TRIM54: variants seen among roughly 807,000 people sequenced by gnomAD.
The protein encoded by TRIM54 is tripartite motif-containing protein 54.
Under a neutral mutation model 42.0 loss-of-function variants are expected in TRIM54, and 40 were observed. The observed-to-expected ratio is 0.95, with a 90% CI of 0.74 to 1.24. The LOEUF (loss-of-function observed/expected upper bound fraction) is 1.24, where lower values mean the gene tolerates loss of function less well. Among genes scored for constraint, TRIM54 ranks in the 50% most tolerant of loss-of-function variants. The pLI, the probability that TRIM54 is intolerant of heterozygous loss-of-function variation, is 0.00. For missense variants in TRIM54, 485 were observed against 480.3 expected, an observed-to-expected ratio of 1.01 and a Z score of -0.09; for synonymous variants, 199 against 194.9, an observed-to-expected ratio of 1.02 and a Z score of -0.17.
chr2:27,283,763 GGCACACACACACACACGCGC>G (rs1238236621), intron 1 of TRIM54, among the ~76,000 whole-genome samples: 3 of 103,782 alleles, frequency 2.9e-5, no homozygotes, highest in African/African-American at 1.1e-4. Flanking sequence ...GAGGGGCAAA[GGCACACACACACACACGCGC>G]GCACACACAC....
chr2:27,305,530 C>T, intron 4 of TRIM54, 54 bp from the exon 5 acceptor site: 1 of 1,481,232 alleles, frequency 6.8e-7, no homozygotes, highest in South Asian at 1.2e-5. Flanking sequence ...CTGTGCTTTC[C>T]CAGCCACCGG....
chr2:27,294,787 G>A (rs571466452), intron 1 of TRIM54, among the ~76,000 whole-genome samples: 2 of 150,436 alleles, frequency 1.3e-5, no homozygotes, highest in East Asian at 4.1e-4. Flanking sequence ...CTGCTTGGGA[G>A]GCTGAGGCAG....
At chr2:27,304,892 G>A in intron 3 of TRIM54, 67 bp from the exon 4 acceptor site, 3 of 1,462,020 alleles carry the variant, frequency 2.1e-6, no homozygotes. Context: ...AGGCAACCCT[G>A]GCTGGGGTGA....
chr2:27,293,379 T>C (rs540284244), intron 1 of TRIM54, among the ~76,000 whole-genome samples: 1 of 152,320 alleles, frequency 6.6e-6, no homozygotes, highest in South Asian at 2.1e-4. Context: ...TAATAGGTAG[T>C]TGAGTGTCTC....
At chr2:27,291,127 G>T (rs1297094363) in intron 1 of TRIM54, among the ~76,000 whole-genome samples, 1 of 152,210 alleles carries the variant, frequency 6.6e-6, no homozygotes, top group Non-Finnish European at 1.5e-5. Context: ...GCCAAGGTAG[G>T]CAGATCACTT....
In TRIM54 at chr2:27,283,764, GCACACACACACACACGCGCGCACA is replaced by G. The variant is rs1360283749; in HGVS notation, c.168+881_168+904del. Reference sequence around the variant, plus strand: ...AGATCAGGGAGAGTGAGGGGCAAAGGCACACACACACACACGCGCGCACACACACACACACACACACACACACAC... The same window carrying G: ...AGATCAGGGAGAGTGAGGGGCAAAGGCACACACACACACACACACACACAC... On this transcript the variant is annotated intron_variant, in intron 1 of 8. Coordinates refer to ENST00000380075, the MANE Select transcript of TRIM54 (RefSeq NM_187841.3). Among the ~76,000 whole-genome samples, 70 of 117,928 alleles carry G rather than the reference GCACACACACACACACGCGCGCACA, an allele frequency of 5.9e-4. 1 individual carries two copies. Among genetic ancestry groups the G allele is most frequent in the African/African-American group, 2.2e-3 (67 of 29,834 alleles). The allele number at this position is 117,928 out of a possible 152,430, so 77.4% of individuals were successfully genotyped here.
Position 27,306,601 on chromosome 2 carries a change from C to A in TRIM54, c.*1+59C>A. ...CGGCCTGAGGGGCTTGGGGTGGGGCCTGGCTGGTGTGCTCGCGTCCCCTCC... is the reference window on the plus strand; with the variant it reads ...CGGCCTGAGGGGCTTGGGGTGGGGCATGGCTGGTGTGCTCGCGTCCCCTCC... On this transcript the variant is annotated intron_variant, in intron 8 of 8. Transcript: ENST00000380075. The surrounding 1 kb of genome is among the most constrained non-coding windows in gnomAD (Gnocchi z 6.1). 1 of 1,441,284 alleles carries A rather than the reference C, an allele frequency of 6.9e-7. No homozygotes were observed. The highest frequency in any genetic ancestry group is 2.6e-5 in the Admixed American group (1 of 37,998). The allele number at this position is 1,441,284 out of a possible 1,614,324, so 89.3% of individuals were successfully genotyped here.
Position 27,306,686 on chromosome 2 carries a change from C to T in TRIM54, c.*1+144C>T, listed in dbSNP as rs1261062310. ...CCCCCACTCCTCGGTGCAACCCAAC[C>T]CCGGAGCCACAAAGGCGCGCCCCCT... On this transcript the variant is annotated intron_variant, in intron 8 of 8. Coordinates refer to ENST00000380075, the MANE Select transcript of TRIM54 (RefSeq NM_187841.3). The surrounding 1 kb of genome is among the most constrained non-coding windows in gnomAD (Gnocchi z 6.1). The T allele has an allele frequency of 1.1e-6, 1 of 900,164 alleles. No homozygotes were observed. Among genetic ancestry groups the T allele is most frequent in the East Asian group, 2.7e-5 (1 of 37,454 alleles). The allele number at this position is 900,164 out of a possible 1,614,324, so 55.8% of individuals were successfully genotyped here. A position where few individuals can be genotyped will look rare whatever the true frequency, so the allele number is the denominator to read the frequency against.
intron 4 of TRIM54, 38 bp downstream of exon 4, chr2:27,305,092 G>C (rs776120039): frequency 1.3e-6 from 2 of 1,572,012 alleles, no homozygotes; most frequent in East Asian, 2.3e-5. Context: ...ACAGCAACTG[G>C]CTAGCCTGCG....
In TRIM54 at chr2:27,307,412, C is replaced by T; in HGVS notation, c.*527C>T. On this transcript the variant is annotated 3_prime_UTR_variant, in exon 9 of 9. Coordinates refer to ENST00000380075, the MANE Select transcript of TRIM54 (RefSeq NM_187841.3). This position sits in a 1 kb window ranked among gnomAD's most constrained non-coding sequence, Gnocchi z 6.9. Reference sequence around the variant, plus strand: ...GACAAAAGCCAACGGGTCTTCAGTACTTTTATTAAAAAATAGTCACGCAGA... The same window carrying T: ...GACAAAAGCCAACGGGTCTTCAGTATTTTTATTAAAAAATAGTCACGCAGA... 3 of 1,509,652 alleles carry T rather than the reference C, an allele frequency of 2.0e-6. No homozygotes were observed. The highest frequency in any genetic ancestry group is 2.7e-6 in the Non-Finnish European group (3 of 1,130,194). The allele number at this position is 1,509,652 out of a possible 1,614,324, so 93.5% of individuals were successfully genotyped here. A position where few individuals can be genotyped will look rare whatever the true frequency, so the allele number is the denominator to read the frequency against.
At chr2:27,287,660 A>G (rs1678613430) in intron 1 of TRIM54, among the ~76,000 whole-genome samples, 1 of 152,018 alleles carries the variant, frequency 6.6e-6, no homozygotes, top group Non-Finnish European at 1.5e-5. Flanking sequence ...TGTAGCTAGG[A>G]TTACAGGCAT....
At position 27,282,517 on chromosome 2, in the gene TRIM54, C is replaced by T. The variant is rs576677834; in HGVS notation, c.-215C>T. 7 of 412,952 alleles carry T rather than the reference C, an allele frequency of 1.7e-5. No homozygotes were observed. In the South Asian group the frequency reaches 2.4e-4, roughly 14 times the overall value. 25.6% of individuals were successfully genotyped at this position (412,952 alleles called of 1,614,324 possible). On this transcript the variant is annotated 5_prime_UTR_variant, in exon 1 of 9. The change creates a new upstream start codon in the 5' untranslated region. Coordinates refer to ENST00000380075, the MANE Select transcript of TRIM54 (RefSeq NM_187841.3). ...AGAGAGAGAGGGATAGCTAAAACTA[C>T]GTGAGCCTGGCGAGGGTGCAGAGCA...
intron 3 of TRIM54, among the ~76,000 whole-genome samples, chr2:27,302,767 G>A (rs947018727): frequency 6.6e-5 from 10 of 152,248 alleles, no homozygotes; most frequent in Admixed American, 5.9e-4. Context: ...CTCCAGCCTG[G>A]GCAAAAAGAG....
At chr2:27,298,371 G>T (rs755050621) in intron 1 of TRIM54, among the ~76,000 whole-genome samples, 196 bp from the exon 2 acceptor site, 1 of 152,120 alleles carries the variant, frequency 6.6e-6, no homozygotes, top group Non-Finnish European at 1.5e-5. Context: ...GAATAATGAG[G>T]CAAAGGTGGG....
chr2:27,291,280 G>A (rs548741335), intron 1 of TRIM54, among the ~76,000 whole-genome samples: 5 of 152,136 alleles, frequency 3.3e-5, no homozygotes, highest in South Asian at 4.2e-4. Context: ...ACTTGAGCCC[G>A]GGAAGCAGAG....
intron 1 of TRIM54, among the ~76,000 whole-genome samples, chr2:27,294,666 C>T (rs924157349): frequency 5.9e-5 from 9 of 151,606 alleles, no homozygotes; most frequent in African/African-American, 1.9e-4. Flanking sequence ...CTGAGGTGGG[C>T]GGATCATGAG....
At chr2:27,296,331 A>G (rs889513602) in intron 1 of TRIM54, among the ~76,000 whole-genome samples, 1 of 152,210 alleles carries the variant, frequency 6.6e-6, no homozygotes, top group Non-Finnish European at 1.5e-5. Context: ...ATGCTAGCTC[A>G]TAGGTGACCA....
rs116145000 is a variant in TRIM54, at chr2:27,287,659, G to A, written c.168+4760G>A. On this transcript the variant is annotated intron_variant, in intron 1 of 8. Transcript: ENST00000380075. ...CTGCCTCAGCCTTTCGTGTAGCTAGGATTACAGGCATGTACCACCACACTC... is the reference window on the plus strand; with the variant it reads ...CTGCCTCAGCCTTTCGTGTAGCTAGAATTACAGGCATGTACCACCACACTC... Among the ~76,000 whole-genome samples, 471 of 151,998 alleles carry A rather than the reference G, an allele frequency of 3.1e-3. 1 individual carries two copies. Among genetic ancestry groups the A allele is most frequent in the Non-Finnish European group, 5.0e-3 (338 of 67,988 alleles).
At position 27,305,934 on chromosome 2, in the gene TRIM54, A is replaced by G. The variant is rs933188871; in HGVS notation, c.843+117A>G. 5.8e-6 allele frequency: 8 copies of G among 1,374,824 alleles called. No homozygotes were observed. The African/African-American group carries it at 1.2e-4, about 20-fold the overall frequency. 85.2% of individuals were successfully genotyped at this position (1,374,824 alleles called of 1,614,324 possible). On this transcript the variant is annotated intron_variant, in intron 5 of 8. Coordinates refer to ENST00000380075, the MANE Select transcript of TRIM54 (RefSeq NM_187841.3). ...CCTGCTTGCCCCTACGACCTTGGGCAAGTCACCCCCTCTGAGTTCGTTTTC... is the reference window on the plus strand; with the variant it reads ...CCTGCTTGCCCCTACGACCTTGGGCGAGTCACCCCCTCTGAGTTCGTTTTC...
Sources: gnomAD v4.1 joint callset for allele counts (sites outside exome capture counted in the v4.1 genomes callset) on GRCh38, gnomAD v4.1.1 for gene constraint, Gnocchi (gnomAD v3.1) non-coding constraint, MANE v1.5 for transcripts, NCBI Gene and HGNC (gene_info 2026-07-23, HGNC 2026-07-21) for gene names.